Variants in CEP44 observed in about 807,000 individuals in gnomAD.
The protein encoded by CEP44 is centrosomal protein of 44 kDa.
Under a neutral mutation model 46.7 loss-of-function variants are expected in CEP44, and 45 were observed. The ratio of observed to expected loss-of-function variants is 0.96; its 90% CI spans 0.76 to 1.24. The LOEUF (loss-of-function observed/expected upper bound fraction) is 1.24. Ranked by LOEUF, CEP44 falls within the 50% of genes most tolerant of loss-of-function variation. CEP44 has a pLI of 0.00. For synonymous variants in CEP44, 142 were observed against 146.0 expected (o/e 0.97, Z 0.20); for missense variants, 475 against 459.7 (o/e 1.03, Z -0.30).
At chr4:174,304,428 A>G (rs1740146483) in intron 6 of CEP44, 59 bp downstream of exon 6, 5 of 1,565,104 alleles carry the variant, frequency 3.2e-6, no homozygotes, top group African/African-American at 2.8e-5. Flanking sequence ...AATCCAATAT[A>G]CAGTTTTCAC....
rs559631679 is a variant in CEP44, at chr4:174,295,476, C to T, written c.-147-2490C>T. Among the ~76,000 whole-genome samples the T allele has an allele frequency of 3.6e-3, 535 of 150,620 alleles. 2 individuals carry two copies. The highest frequency in any genetic ancestry group is 0.017 in the Middle Eastern group (5 of 288). On this transcript the variant is annotated intron_variant, in intron 1 of 11. Transcript: ENST00000503780. ...CTCACTTCCTAGATGGGATGGCGGC[C>T]GGGCAGAGACGCTCCTCACTTTCCA...
At position 174,314,956 on chromosome 4, in the gene CEP44, G is replaced by A. The variant is rs899082728; in HGVS notation, c.962-1210G>A. ...AGCATTTGGAATTAGGACACCACGA[G>A]TTAGTTAGTCAAATGATATTGAGCC... On this transcript the variant is annotated intron_variant, in intron 9 of 11. Transcript: ENST00000503780. This position sits in a 1 kb window ranked among gnomAD's most constrained non-coding sequence, Gnocchi z 4.1. Among the ~76,000 whole-genome samples the A allele has an allele frequency of 3.9e-5, 6 of 152,214 alleles. No homozygotes were observed. The highest frequency in any genetic ancestry group is 8.8e-5 in the Non-Finnish European group (6 of 68,040).
intron 9 of CEP44, 61 bp from the exon 10 acceptor site, chr4:174,316,105 T>G (rs1217890499): frequency 1.9e-6 from 3 of 1,569,160 alleles, no homozygotes; most frequent in Non-Finnish European, 2.6e-6. Flanking sequence ...TAAATAATAT[T>G]TTTAGATATT....
At chr4:174,307,123 A>G (rs964181482) in intron 6 of CEP44, among the ~76,000 whole-genome samples, 2 of 152,180 alleles carry the variant, frequency 1.3e-5, no homozygotes, top group African/African-American at 4.8e-5. Context: ...TTTAAAATTT[A>G]TATGAAACCA....
At chr4:174,316,346 GC>G (rs1292497108) in intron 10 of CEP44, 56 bp downstream of exon 10, 28 of 1,540,924 alleles carry the variant, frequency 1.8e-5, no homozygotes, top group Non-Finnish European at 2.4e-5. Context: ...GCAAGCATTA[GC>G]TTTTGTTGTA....
intron 1 of CEP44, among the ~76,000 whole-genome samples, chr4:174,285,147 T>TGATTCAAAAAAAAAG (rs1184707625): frequency 1.3e-5 from 2 of 152,262 alleles, no homozygotes; most frequent in Non-Finnish European, 2.9e-5. Context: ...TGCTGCAAGC[T>TGATTCAAAAAAAAAG]GAGTGGTATC....
rs549362296 is a variant in CEP44 at position 174,294,300 on chromosome 4, C to T, written c.-147-3666C>T. Among the ~76,000 whole-genome samples, 30 of 151,986 alleles carry T rather than the reference C, an allele frequency of 2.0e-4. No homozygotes were observed. The South Asian group carries it at 3.5e-3, about 18-fold the overall frequency. ...TTTAACAAAGCACATCTTGCACCAC[C>T]ATTAATCCATTTAACCCTGAGTGGA... On this transcript the variant is annotated intron_variant, in intron 1 of 11. Transcript: ENST00000503780.
Position 174,329,505 on chromosome 4 carries a change from T to C in CEP44, c.1087-1977T>C, listed in dbSNP as rs1235841408. 6.6e-6 allele frequency among the ~76,000 whole-genome samples: 1 copy of C among 152,212 alleles called. No individual in the cohort carries two copies. Among genetic ancestry groups the C allele is most frequent in the African/African-American group, 2.4e-5 (1 of 41,456 alleles). On this transcript the variant is annotated intron_variant, in intron 8 of 8. Transcript: ENST00000426172. The surrounding 1 kb of genome is among the most constrained non-coding windows in gnomAD (Gnocchi z 4.0). ...TATGCCTTCAAAGTTATAAAAGTTATAAAGTTGTCAATGTTGAAATATATT... is the reference window on the plus strand; with the variant it reads ...TATGCCTTCAAAGTTATAAAAGTTACAAAGTTGTCAATGTTGAAATATATT...
In CEP44 at chr4:174,288,065, T is replaced by G. The variant is rs1737763103; in HGVS notation, c.-148+4122T>G. Among the ~76,000 whole-genome samples the G allele has an allele frequency of 6.6e-6, 1 of 152,210 alleles. No individual in the cohort carries two copies. Among genetic ancestry groups the G allele is most frequent in the African/African-American group, 2.4e-5 (1 of 41,456 alleles). On this transcript the variant is annotated intron_variant, in intron 1 of 11. Transcript: ENST00000503780. This position sits in a 1 kb window ranked among gnomAD's most constrained non-coding sequence, Gnocchi z 4.6. ...TGGGGTGCTTTATATACAAAGGGACTATTTTTAGAGGTGTGTGTACAGGGA... is the reference window on the plus strand; with the variant it reads ...TGGGGTGCTTTATATACAAAGGGACGATTTTTAGAGGTGTGTGTACAGGGA...
At chr4:174,307,879 G>C (rs1740616563) in intron 6 of CEP44, among the ~76,000 whole-genome samples, 1 of 152,090 alleles carries the variant, frequency 6.6e-6, no homozygotes, top group South Asian at 2.1e-4. Context: ...CTGATCATTA[G>C]AAAAATGCAA....
rs1560908627 is a variant in CEP44, at chr4:174,309,764, G to C, written c.679-86G>C. 2 of 918,970 alleles carry C rather than the reference G, an allele frequency of 2.2e-6. No homozygotes were observed. Among genetic ancestry groups the C allele is most frequent in the South Asian group, 1.6e-5 (1 of 60,694 alleles). The allele number at this position is 918,970 out of a possible 1,614,324, so 56.9% of individuals were successfully genotyped here. A position where few individuals can be genotyped will look rare whatever the true frequency, so the allele number is the denominator to read the frequency against. On this transcript the variant is annotated intron_variant, in intron 7 of 11. Transcript: ENST00000503780. This position sits in a 1 kb window ranked among gnomAD's most constrained non-coding sequence, Gnocchi z 5.3. ...CAGGACGGTCTCTCCTAACTGTTGA[G>C]ATAACGCTGTGGAAGTGAGAATACA...
At position 174,283,943 on chromosome 4, in the gene CEP44, G is replaced by T. The variant is rs1212217547; in HGVS notation, c.-148G>T. 8.3e-5 allele frequency: 33 copies of T among 399,040 alleles called. No homozygotes were observed. The highest frequency in any genetic ancestry group is 1.3e-5 in the Non-Finnish European group (3 of 226,302). The allele number at this position is 399,040 out of a possible 1,614,324, so 24.7% of individuals were successfully genotyped here. On this transcript the variant is annotated splice_region_variant and 5_prime_UTR_variant, in exon 1 of 12. Coordinates refer to ENST00000503780, the MANE Select transcript of CEP44 (RefSeq NM_001040157.3). This position sits in a 1 kb window ranked among gnomAD's most constrained non-coding sequence, Gnocchi z 6.7. ...CTCCCAGCTTTGAAGGTCTTGCGGT[G>T]GTGCGTGGCGGGCAGGAACCCACAA...
At position 174,288,542 on chromosome 4, in the gene CEP44, T is replaced by C. The variant is rs970420829; in HGVS notation, c.-148+4599T>C. Among the ~76,000 whole-genome samples, 1 of 152,168 alleles carries C rather than the reference T, an allele frequency of 6.6e-6. No homozygotes were observed. The stretch of plus-strand genomic sequence containing the variant: ...AATACAGTATTTGTCTTTTTGTGTT[T>C]AGCTTATTTCACTTAGCATAATGTC... On this transcript the variant is annotated intron_variant, in intron 1 of 11. Coordinates refer to ENST00000503780, the MANE Select transcript of CEP44 (RefSeq NM_001040157.3). The surrounding 1 kb of genome is among the most constrained non-coding windows in gnomAD (Gnocchi z 4.6).
At position 174,315,835 on chromosome 4, in the gene CEP44, C is replaced by T. The variant is rs576501493; in HGVS notation, c.962-331C>T. ...CTGCCTGGGCGACAGAGCGAGACTC[C>T]GTCTCAAAAAAAAAAAAAAAAAAAG... On this transcript the variant is annotated intron_variant, in intron 9 of 11. Transcript: ENST00000503780. 5.0e-5 allele frequency among the ~76,000 whole-genome samples: 6 copies of T among 119,804 alleles called. No individual in the cohort carries two copies. In the East Asian group the frequency reaches 1.7e-3, roughly 34 times the overall value. The allele number at this position is 119,804 out of a possible 152,430, so 78.6% of individuals were successfully genotyped here. A position where few individuals can be genotyped will look rare whatever the true frequency, so the allele number is the denominator to read the frequency against.
At chr4:174,306,818 A>G (rs1740461380) in intron 6 of CEP44, among the ~76,000 whole-genome samples, 2 of 152,128 alleles carry the variant, frequency 1.3e-5, no homozygotes, top group African/African-American at 4.8e-5. Context: ...TCTACCAACA[A>G]CAGTCAAGCT....
rs1298419877 is a variant in CEP44, at chr4:174,329,120, A to T, written c.1087-2362A>T. 6.6e-6 allele frequency among the ~76,000 whole-genome samples: 1 copy of T among 151,516 alleles called. No homozygotes were observed. Among genetic ancestry groups the T allele is most frequent in the Non-Finnish European group, 1.5e-5 (1 of 67,864 alleles). ...TGCCACTGCACCTGGATTTTTTTTT[A>T]TTGGTATTTTTTCGGATTTGGGATC... On this transcript the variant is annotated intron_variant, in intron 8 of 8. Coordinates refer to the CEP44 transcript ENST00000426172. The surrounding 1 kb of genome is among the most constrained non-coding windows in gnomAD (Gnocchi z 4.0).
chr4:174,313,109 T>C (rs555976330), intron 9 of CEP44, among the ~76,000 whole-genome samples: 46 of 152,104 alleles, frequency 3.0e-4, no homozygotes, highest in Non-Finnish European at 4.6e-4. Context: ...TAAGTACTCA[T>C]GTTAGGCAAG....
chr4:174,294,991 C>A (rs1422738413), intron 1 of CEP44, among the ~76,000 whole-genome samples: 1 of 138,368 alleles, frequency 7.2e-6, no homozygotes, highest in African/African-American at 2.9e-5. Context: ...CTGACCCCCC[C>A]ACCTCCCTCC....
At chr4:174,302,316 A>C in intron 4 of CEP44, 130 bp downstream of exon 4, 12 of 607,102 alleles carry the variant, frequency 2.0e-5, no homozygotes, top group East Asian at 9.5e-5. Context: ...TATTTATCTC[A>C]TTTAAATGTA....
Sources: allele counts gnomAD v4.1 joint callset (sites outside exome capture counted in the v4.1 genomes callset), GRCh38; gene constraint gnomAD v4.1.1; non-coding constraint Gnocchi (gnomAD v3.1); transcripts MANE v1.5; gene names NCBI Gene and HGNC (gene_info 2026-07-23, HGNC 2026-07-21).